TRPS1: variants seen among roughly 807,000 people sequenced by gnomAD.
The protein encoded by TRPS1 is transcriptional repressor GATA binding 1.
A neutral mutation model predicts 101.2 loss-of-function variants in TRPS1; 6 were observed. The ratio of observed to expected loss-of-function variants is 0.06; its 90% CI spans 0.03 to 0.12. The LOEUF (loss-of-function observed/expected upper bound fraction) is 0.12. Among genes scored for constraint, TRPS1 ranks in the 10% least tolerant of loss-of-function variants. TRPS1 has a pLI of 1.00. For missense variants in TRPS1, 1,363 were observed against 1,567.0 expected, an observed-to-expected ratio of 0.87 and a Z score of 2.20; for synonymous variants, 578 against 589.8, an observed-to-expected ratio of 0.98 and a Z score of 0.29.
chr8:115,431,104 A>C (rs1435513274), intron 5 of TRPS1, among the ~76,000 whole-genome samples: 1 of 152,038 alleles, frequency 6.6e-6, no homozygotes, highest in Non-Finnish European at 1.5e-5. Context: ...TCACATACAT[A>C]CTCAGTTAAC....
intron 5 of TRPS1, chr8:115,515,249 T>C (rs1301765313): frequency 8.6e-6 from 6 of 698,092 alleles, no homozygotes; most frequent in Admixed American, 2.0e-5. Context: ...AAGACTAAAC[T>C]GCTCTTCGGG....
At chr8:115,631,030 T>G (rs1009450016) in intron 1 of TRPS1, among the ~76,000 whole-genome samples, 1 of 152,074 alleles carries the variant, frequency 6.6e-6, no homozygotes, top group Non-Finnish European at 1.5e-5. Context: ...TTCCCAATAT[T>G]CTCACAGAGT....
chr8:115,459,154 G>A (rs1265853630), intron 5 of TRPS1, among the ~76,000 whole-genome samples: 3 of 152,114 alleles, frequency 2.0e-5, no homozygotes, highest in East Asian at 1.9e-4. Context: ...TGGCTAACAC[G>A]GTGAAACCCC....
intron 5 of TRPS1, among the ~76,000 whole-genome samples, chr8:115,423,284 T>C (rs1197127548): frequency 1.3e-5 from 2 of 152,236 alleles, no homozygotes; most frequent in Non-Finnish European, 2.9e-5. Flanking sequence ...GCCATTTCCG[T>C]TGGCTGGTAA....
Position 115,410,009 on chromosome 8 carries a change from C to T in TRPS1, c.*4014G>A, listed in dbSNP as rs1267071496. 2 of 151,394 alleles carry T rather than the reference C, an allele frequency of 1.3e-5. No homozygotes were observed. The allele number at this position is 151,394 out of a possible 1,614,324, so 9.4% of individuals were successfully genotyped here. The stretch of plus-strand genomic sequence containing the variant: ...TAAGGCAAAAGGCTGGCATACAGCA[C>T]AGAAGCAGACCACCAGCTTCTTTAC... On this transcript the variant is annotated 3_prime_UTR_variant, in exon 7 of 7. Transcript: ENST00000395715.
intron 5 of TRPS1, among the ~76,000 whole-genome samples, chr8:115,557,839 A>G (rs180837287): frequency 6.6e-6 from 1 of 152,238 alleles, no homozygotes; most frequent in African/African-American, 2.4e-5. Context: ...CAATAGCACC[A>G]CATGTTTCAA....
At position 115,604,122 on chromosome 8, in the gene TRPS1, G is replaced by A; in HGVS notation, c.1847C>T (p.Ser616Phe). 6.2e-7 allele frequency: 1 copy of A among 1,614,120 alleles called. No individual in the cohort carries two copies. The highest frequency in any genetic ancestry group is 8.5e-7 in the Non-Finnish European group (1 of 1,180,012). ...SHCALLLLHL[S>F]PGAAGSSRVK... ...TCGCGAGCTTCCAGCCGCCCCAGGA[G>A]ACAAGTGCAGAAGCAAGAGTGCACA... Residue 616 changes from serine to phenylalanine, a missense_variant, in exon 4 of 7, where the codon TCT becomes TTT. This residue lies in a region of TRPS1 where 1,020 missense variants were observed against 1,073.0 expected (regional missense o/e 0.95). Transcript: ENST00000395715. This position sits in a 1 kb window ranked among gnomAD's most constrained non-coding sequence, Gnocchi z 4.1.
At chr8:115,533,453 T>TTTTTTTTTTTTTTTTTTTG (rs1563580844) in intron 5 of TRPS1, among the ~76,000 whole-genome samples, 1 of 135,360 alleles carries the variant, frequency 7.4e-6, no homozygotes, top group Non-Finnish European at 1.5e-5. Flanking sequence ...TTTTTTTTTT[T>TTTTTTTTTTTTTTTTTTTG]TTTTTTCCTG....
intron 5 of TRPS1, among the ~76,000 whole-genome samples, chr8:115,560,136 A>G (rs1395115900): frequency 2.0e-5 from 3 of 152,102 alleles, no homozygotes; most frequent in Non-Finnish European, 4.4e-5. Context: ...TAAAAATAAA[A>G]TCAACATTCC....
intron 1 of TRPS1, among the ~76,000 whole-genome samples, chr8:115,641,759 A>G (rs1310227004): frequency 1.3e-5 from 2 of 152,182 alleles, no homozygotes. Context: ...GCATGCCTGT[A>G]GTCTCAGCTA....
At chr8:115,540,246 A>T (rs1816419897) in intron 5 of TRPS1, among the ~76,000 whole-genome samples, 1 of 152,230 alleles carries the variant, frequency 6.6e-6, no homozygotes, top group Admixed American at 6.5e-5. Flanking sequence ...TAGTGAAATC[A>T]GAAAGCTAGT....
chr8:115,582,261 T>C (rs1416953372), intron 5 of TRPS1, among the ~76,000 whole-genome samples: 1 of 152,188 alleles, frequency 6.6e-6, no homozygotes, highest in Non-Finnish European at 1.5e-5. Flanking sequence ...AGACCATCTT[T>C]AGTTAAAAAA....
intron 5 of TRPS1, among the ~76,000 whole-genome samples, chr8:115,572,015 T>C (rs1817215450): frequency 6.6e-6 from 1 of 152,142 alleles, no homozygotes; most frequent in Admixed American, 6.5e-5. Flanking sequence ...TTTACATAAT[T>C]AAACAATTAA....
At chr8:115,518,194 A>G (rs1294350111) in intron 5 of TRPS1, among the ~76,000 whole-genome samples, 1 of 151,854 alleles carries the variant, frequency 6.6e-6, no homozygotes, top group Non-Finnish European at 1.5e-5. Flanking sequence ...ATTTGATGGG[A>G]AGTGTTTCCA....
chr8:115,589,500 C>A (rs895183105), intron 4 of TRPS1, among the ~76,000 whole-genome samples: 30 of 152,026 alleles, frequency 2.0e-4, no homozygotes, highest in Admixed American at 2.0e-3. Flanking sequence ...GAGTAAATAT[C>A]CATATTTACT....
chr8:115,523,618 T>A (rs73703305), intron 5 of TRPS1, among the ~76,000 whole-genome samples: 1 of 152,154 alleles, frequency 6.6e-6, no homozygotes, highest in African/African-American at 2.4e-5. Flanking sequence ...TGCTGATTAA[T>A]CCCTAAATTC....
chr8:115,493,355 G>A (rs1441510506), intron 5 of TRPS1, among the ~76,000 whole-genome samples: 2 of 152,000 alleles, frequency 1.3e-5, no homozygotes, highest in Non-Finnish European at 2.9e-5. Context: ...TCTATTCTAT[G>A]AAGCATTTAT....
chr8:115,536,502 G>T (rs1042865106), intron 5 of TRPS1, among the ~76,000 whole-genome samples: 1 of 123,422 alleles, frequency 8.1e-6, no homozygotes, highest in Non-Finnish European at 1.6e-5. Flanking sequence ...CAGCCTGGGC[G>T]ACAGAGGGAG....
chr8:115,443,344 A>C (rs1012637088), intron 5 of TRPS1, among the ~76,000 whole-genome samples: 1 of 152,170 alleles, frequency 6.6e-6, no homozygotes, highest in Non-Finnish European at 1.5e-5. Flanking sequence ...ATAATGTCTC[A>C]TATTACTAGG....
Sources: allele counts gnomAD v4.1 joint callset (sites outside exome capture counted in the v4.1 genomes callset), GRCh38; gene constraint gnomAD v4.1.1; regional missense constraint gnomAD v4.1.1; non-coding constraint Gnocchi (gnomAD v3.1); transcripts MANE v1.5; gene names NCBI Gene and HGNC (gene_info 2026-07-23, HGNC 2026-07-21).